FSTL5: variants seen among roughly 807,000 people sequenced by gnomAD.
FSTL5 encodes the protein follistatin like 5.
FSTL5 carries 62 observed loss-of-function variants against 89.1 expected under a neutral mutation model. That is an observed-to-expected ratio of 0.70 (90% CI 0.57 to 0.86). FSTL5 has a LOEUF of 0.86. Ranked by LOEUF, FSTL5 falls within the 40% of genes least tolerant of loss-of-function variation. The pLI, the probability that FSTL5 is intolerant of heterozygous loss-of-function variation, is 0.00. For missense variants in FSTL5, 1,057 were observed against 1,001.6 expected, an observed-to-expected ratio of 1.06 and a Z score of -0.75; for synonymous variants, 383 against 346.2, an observed-to-expected ratio of 1.11 and a Z score of -1.18.
chr4:161,994,519 T>TACCAACCAC (rs1372172626), intron 3 of FSTL5, among the ~76,000 whole-genome samples: 97 of 152,326 alleles, frequency 6.4e-4, no homozygotes, highest in Non-Finnish European at 8.7e-4. Flanking sequence ...GTGTTCCCTT[T>TACCAACCAC]TCTCCACATC....
At chr4:161,796,258 C>T (rs1236158420) in intron 4 of FSTL5, among the ~76,000 whole-genome samples, 1 of 151,716 alleles carries the variant, frequency 6.6e-6, no homozygotes, top group Admixed American at 6.6e-5. Flanking sequence ...GTTTCCCTCA[C>T]CTGAACTCCT....
intron 6 of FSTL5, among the ~76,000 whole-genome samples, chr4:161,754,035 C>G (rs1240030230): frequency 4.4e-5 from 4 of 91,918 alleles, no homozygotes; most frequent in Non-Finnish European, 8.0e-5. Flanking sequence ...GAGCAAGACA[C>G]CGTCTCAATT....
chr4:161,966,969 A>G (rs958150344), intron 3 of FSTL5, among the ~76,000 whole-genome samples: 20 of 152,126 alleles, frequency 1.3e-4, no homozygotes, highest in Middle Eastern at 3.4e-3. Context: ...AATCTTTTAC[A>G]GTGAACATAT....
At chr4:162,123,311 G>A (rs1731941493) in intron 1 of FSTL5, among the ~76,000 whole-genome samples, 1 of 152,130 alleles carries the variant, frequency 6.6e-6, no homozygotes. Context: ...AGTTTCAGAG[G>A]AATTCTAGTT....
intron 4 of FSTL5, among the ~76,000 whole-genome samples, chr4:161,790,558 G>C (rs1408412505): frequency 2.0e-5 from 3 of 152,252 alleles, no homozygotes; most frequent in Non-Finnish European, 4.4e-5. Context: ...ATTCTAATGA[G>C]GGGATTTTTC....
chr4:161,903,159 CCATT>C (rs1271722423), intron 4 of FSTL5, among the ~76,000 whole-genome samples: 1 of 151,990 alleles, frequency 6.6e-6, no homozygotes, highest in East Asian at 1.9e-4. Flanking sequence ...TTCATGTCAT[CCATT>C]CATTTTTTTC....
chr4:161,536,917 T>C (rs1377857098), intron 10 of FSTL5, among the ~76,000 whole-genome samples: 2 of 152,158 alleles, frequency 1.3e-5, no homozygotes, highest in African/African-American at 2.4e-5. Flanking sequence ...TAACAGAAAG[T>C]GAATTACAAG....
chr4:161,471,265 A>G (rs79176671), intron 13 of FSTL5, among the ~76,000 whole-genome samples: 7,405 of 152,300 alleles, frequency 0.049, 555 homozygotes, highest in African/African-American at 0.17. Context: ...TTATTATGAA[A>G]GAGTGTTAAA....
At chr4:161,588,922 T>C (rs1733711001) in intron 7 of FSTL5, among the ~76,000 whole-genome samples, 1 of 152,060 alleles carries the variant, frequency 6.6e-6, no homozygotes, top group Non-Finnish European at 1.5e-5. Flanking sequence ...AGAACATACA[T>C]TTTCATGACT....
At chr4:162,124,814 C>G (rs1473193969) in intron 1 of FSTL5, among the ~76,000 whole-genome samples, 1 of 152,198 alleles carries the variant, frequency 6.6e-6, no homozygotes, top group East Asian at 1.9e-4. Context: ...ATTCTCCTGC[C>G]TCAGCCTCCA....
At position 161,785,455 on chromosome 4, in the gene FSTL5, T is replaced by C. The variant is rs561987159; in HGVS notation, c.410-9381A>G. 2.0e-5 allele frequency among the ~76,000 whole-genome samples: 3 copies of C among 152,274 alleles called. No individual in the cohort carries two copies. The South Asian group carries it at 6.2e-4, about 32-fold the overall frequency. On this transcript the variant is annotated intron_variant, in intron 4 of 15. Coordinates refer to ENST00000306100, the MANE Select transcript of FSTL5 (RefSeq NM_020116.5). ...TCCAAAAATTATTAGAGCAACTAAA[T>C]AATAATGAAAGGGATGACTCCAGAC...
intron 15 of FSTL5, among the ~76,000 whole-genome samples, chr4:161,444,483 C>T (rs916799774): frequency 2.0e-5 from 3 of 151,604 alleles, no homozygotes; most frequent in Non-Finnish European, 4.4e-5. Context: ...ATTCTCACTT[C>T]TGCTTGTATC....
At chr4:161,932,518 T>C (rs1377426590) in intron 3 of FSTL5, among the ~76,000 whole-genome samples, 1 of 151,686 alleles carries the variant, frequency 6.6e-6, no homozygotes, top group Non-Finnish European at 1.5e-5. Flanking sequence ...AATGTGTATA[T>C]ATAAATATAT....
chr4:161,395,618 T>C (rs1034692898), intron 15 of FSTL5, among the ~76,000 whole-genome samples: 2 of 152,150 alleles, frequency 1.3e-5, no homozygotes, highest in African/African-American at 4.8e-5. Context: ...CTGTAAATTT[T>C]ATGGAAACCC....
intron 2 of FSTL5, among the ~76,000 whole-genome samples, chr4:162,088,107 T>G (rs546347387): frequency 1.3e-5 from 2 of 152,074 alleles, no homozygotes; most frequent in Non-Finnish European, 2.9e-5. Flanking sequence ...TTTTTGTGAA[T>G]TGCCCAAATT....
chr4:161,395,229 G>T (rs903317116), intron 15 of FSTL5, among the ~76,000 whole-genome samples: 1 of 151,982 alleles, frequency 6.6e-6, no homozygotes, highest in African/African-American at 2.4e-5. Context: ...TGATATAATA[G>T]AATATAGGTA....
intron 6 of FSTL5, among the ~76,000 whole-genome samples, chr4:161,724,921 G>A (rs1001277523): frequency 5.9e-5 from 9 of 152,258 alleles, no homozygotes; most frequent in South Asian, 2.1e-4. Flanking sequence ...TTGGCCAGGC[G>A]CAGTGGCTCA....
intron 11 of FSTL5, among the ~76,000 whole-genome samples, 157 bp from the exon 12 acceptor site, chr4:161,500,291 C>A (rs1362405812): frequency 6.6e-6 from 1 of 152,088 alleles, no homozygotes; most frequent in African/African-American, 2.4e-5. Flanking sequence ...TGTATACTCG[C>A]ACCACTTTGT....
intron 8 of FSTL5, among the ~76,000 whole-genome samples, chr4:161,576,404 A>G (rs1437321469): frequency 6.6e-6 from 1 of 152,216 alleles, no homozygotes. Context: ...GCATCACGCT[A>G]TCTGACTTCA....
Sources: gnomAD v4.1 joint callset for allele counts (sites outside exome capture counted in the v4.1 genomes callset) on GRCh38, gnomAD v4.1.1 for gene constraint, MANE v1.5 for transcripts, NCBI Gene and HGNC (gene_info 2026-07-23, HGNC 2026-07-21) for gene names.